Variants in LCN15 observed in about 807,000 individuals in gnomAD.
LCN15 encodes lipocalin-15.
A neutral mutation model predicts 23.1 loss-of-function variants in LCN15; 26 were observed. That is an observed-to-expected ratio of 1.13 (90% confidence interval 0.82 to 1.56). The LOEUF (loss-of-function observed/expected upper bound fraction) is 1.56. Ranked by LOEUF, LCN15 falls within the 40% of genes most tolerant of loss-of-function variation. LCN15 has a pLI of 0.00. For missense variants in LCN15, 241 were observed against 239.5 expected (o/e 1.01, Z -0.04); for synonymous variants, 107 against 98.3 (o/e 1.09, Z -0.52).
intron 1 of LCN15, 122 bp downstream of exon 1, chr9:136,764,271 T>C (rs1030323464): frequency 7.1e-6 from 7 of 983,438 alleles, no homozygotes; most frequent in Non-Finnish European, 1.1e-5. Flanking sequence ...AGTGGGTCTA[T>C]AGCACGTGCC....
Position 136,761,338 on chromosome 9 carries a change from G to A in LCN15, c.*32+449C>T, listed in dbSNP as rs1371135108. ...TGTAATGGTGCAATCTCGGCTCACC[G>A]CAACCTCCGCCTCCTGGGTTCAGGC... On this transcript the variant is annotated intron_variant, in intron 6 of 6. Coordinates refer to ENST00000316144, the MANE Select transcript of LCN15 (RefSeq NM_203347.2). This position sits in a 1 kb window ranked among gnomAD's most constrained non-coding sequence, Gnocchi z 4.2. 4.6e-5 allele frequency among the ~76,000 whole-genome samples: 7 copies of A among 152,180 alleles called. No homozygotes were observed. The highest frequency in any genetic ancestry group is 7.2e-5 in the African/African-American group (3 of 41,434).
Position 136,763,976 on chromosome 9 carries a change from A to T in LCN15, c.130T>A (p.Ser44Thr). 6.2e-7 allele frequency: 1 copy of T among 1,613,382 alleles called. No homozygotes were observed. Among genetic ancestry groups the T allele is most frequent in the Non-Finnish European group, 8.5e-7 (1 of 1,179,966 alleles). The change falls in exon 2 of 7, where the codon TCT (serine) becomes ACT (threonine). Residue 44 changes from serine (S) to threonine (T), a missense_variant. By Grantham distance (58) the Ser-to-Thr change is moderately conservative. Transcript: ENST00000316144. Reference sequence around the variant, plus strand: ...TTGCCCAGGAAGACCCTGCAGTCAGATGCCATGGAGACCACGTACCAGAGG... The same window carrying T: ...TTGCCCAGGAAGACCCTGCAGTCAGTTGCCATGGAGACCACGTACCAGAGG... ...SGLWYVVSMASDCRVFLGKKD... is the reference protein window; with the variant it reads ...SGLWYVVSMATDCRVFLGKKD...
Position 136,763,777 on chromosome 9 carries a change from G to A in LCN15, c.243C>T (p.Asp81=), listed in dbSNP as rs778514101. 102 of 1,613,288 alleles carry A rather than the reference G, an allele frequency of 6.3e-5. No homozygotes were observed. In the South Asian group the frequency reaches 7.8e-4, roughly 12 times the overall value. The change falls in exon 3 of 7, where the codon GAC becomes GAT. Residue 81 remains aspartate, a synonymous_variant. Transcript: ENST00000316144. ...ACTCGGCATCCACCTGGTTACAGCC[G>A]TCCGCCCTGGGGGTGCACAGCCGGC... is the stretch of plus-strand genomic sequence containing the variant. ...LHVHMEFPGA[D]GCNQVDAEYL...
Position 136,763,487 on chromosome 9 carries a change from CT to C in LCN15, c.308-21del. 3.2e-6 allele frequency: 5 copies of C among 1,548,858 alleles called. No individual in the cohort carries two copies. The highest frequency in any genetic ancestry group is 3.5e-6 in the Non-Finnish European group (4 of 1,137,272). ...CCAAGGCTGCGGAGAGGCAGGCGGC[CT>C]TTTCAGGCTGGAGAAGTGGATGGGC... On this transcript the variant is annotated intron_variant, in intron 3 of 6. Transcript: ENST00000316144.
intron 6 of LCN15, among the ~76,000 whole-genome samples, chr9:136,760,411 G>A (rs1470444484): frequency 1.3e-5 from 2 of 152,184 alleles, no homozygotes; most frequent in African/African-American, 4.8e-5. Flanking sequence ...GGGAGTGGAG[G>A]CGAAGCTCAT....
rs189958747 is a variant in LCN15, at chr9:136,761,302, C to A, written c.*32+485G>T. Among the ~76,000 whole-genome samples the A allele has an allele frequency of 6.6e-6, 1 of 152,202 alleles. No individual in the cohort carries two copies. Among genetic ancestry groups the A allele is most frequent in the African/African-American group, 2.4e-5 (1 of 41,446 alleles). ...TGAGATGGAGTTTCTCTCTTGTCAC[C>A]CAGGCTGGACTGTAATGGTGCAATC... On this transcript the variant is annotated intron_variant, in intron 6 of 6. Transcript: ENST00000316144. This position sits in a 1 kb window ranked among gnomAD's most constrained non-coding sequence, Gnocchi z 4.2.
rs1847318058 is a variant in LCN15 at position 136,761,598 on chromosome 9, T to A, written c.*32+189A>T. 6.6e-6 allele frequency among the ~76,000 whole-genome samples: 1 copy of A among 152,202 alleles called. No homozygotes were observed. The highest frequency in any genetic ancestry group is 2.4e-5 in the African/African-American group (1 of 41,452). On this transcript the variant is annotated intron_variant, in intron 6 of 6. Coordinates refer to ENST00000316144, the MANE Select transcript of LCN15 (RefSeq NM_203347.2). The surrounding 1 kb of genome is among the most constrained non-coding windows in gnomAD (Gnocchi z 4.2). ...TTTTAAGTCGCCCCATTTGTGGTAC[T>A]CTGTGATGGGTACCTTAGGAAATCA...
Position 136,759,838 on chromosome 9 carries a change from C to T in LCN15, c.*33-55G>A, listed in dbSNP as rs550006254. The stretch of plus-strand genomic sequence containing the variant: ...ACCCACTCCCGCGACAAACGCCCTT[C>T]CTGCTCCCCACAAGCTGGGCATCAC... On this transcript the variant is annotated intron_variant, in intron 6 of 6. Coordinates refer to ENST00000316144, the MANE Select transcript of LCN15 (RefSeq NM_203347.2). The T allele has an allele frequency of 6.6e-5, 10 of 152,544 alleles. No homozygotes were observed. In the East Asian group the frequency reaches 1.5e-3, roughly 24 times the overall value. The allele number at this position is 152,544 out of a possible 1,614,324, so 9.4% of individuals were successfully genotyped here.
chr9:136,763,613 A>C, intron 3 of LCN15, 100 bp downstream of exon 3: 1 of 1,391,106 alleles, frequency 7.2e-7, no homozygotes, highest in Non-Finnish European at 9.9e-7. Context: ...GGGGCTGGAG[A>C]CTGGGATGGA....
rs143124770 is a variant in LCN15 at position 136,764,471 on chromosome 9, G to C, written c.18C>G (p.Leu6=). The C allele has an allele frequency of 3.1e-6, 5 of 1,612,770 alleles. No homozygotes were observed. The South Asian group carries it at 4.4e-5, about 14-fold the overall frequency. Residue 6 remains leucine, a synonymous_variant, in exon 1 of 7, where the codon CTC becomes CTG. Transcript: ENST00000316144. ...CCCAGAGCAGGGTCAGGATTGCGCC[G>C]AGCAGGAATGACATCATCCCCTCCC... MMSFL[L]GAILTLLWAP...
rs1283004568 is a variant in LCN15, at chr9:136,761,315, T to C, written c.*32+472A>G. Among the ~76,000 whole-genome samples, 1 of 152,194 alleles carries C rather than the reference T, an allele frequency of 6.6e-6. No individual in the cohort carries two copies. The highest frequency in any genetic ancestry group is 1.5e-5 in the Non-Finnish European group (1 of 68,022). On this transcript the variant is annotated intron_variant, in intron 6 of 6. Transcript: ENST00000316144. This position sits in a 1 kb window ranked among gnomAD's most constrained non-coding sequence, Gnocchi z 4.2. ...CTCTCTTGTCACCCAGGCTGGACTG[T>C]AATGGTGCAATCTCGGCTCACCGCA...
chr9:136,762,011 C>T (rs958604767), intron 5 of LCN15, among the ~76,000 whole-genome samples, 158 bp from the exon 6 acceptor site: 4 of 152,142 alleles, frequency 2.6e-5, no homozygotes, highest in Admixed American at 2.6e-4. Flanking sequence ...AAGCCTCTCC[C>T]GTAGTCTGTT....
chr9:136,763,495 G>A, intron 3 of LCN15, 28 bp from the exon 4 acceptor site: 1 of 1,519,144 alleles, frequency 6.6e-7, no homozygotes, highest in East Asian at 2.3e-5. Context: ...GCCTTTTCAG[G>A]CTGGAGAAGT....
Position 136,763,876 on chromosome 9 carries a change from A to G in LCN15, c.230T>C (p.Phe77Ser). Residue 77 changes from phenylalanine (F) to serine (S), a missense_variant, in exon 2 of 7, where the codon TTC becomes TCC. Phe to Ser is a radical substitution (Grantham distance 155). Coordinates refer to ENST00000316144, the MANE Select transcript of LCN15 (RefSeq NM_203347.2). ...CCCAGCCCAAGTAACTCACCCCGGG[A>G]ACTCCATGTGGACGTGGAGGCCGCC... ...EEGGLHVHME[F>S]PGADGCNQVD... is the part of the protein sequence containing the mutation. 6.2e-7 allele frequency: 1 copy of G among 1,613,566 alleles called. No homozygotes were observed. Among genetic ancestry groups the G allele is most frequent in the Non-Finnish European group, 8.5e-7 (1 of 1,179,914 alleles).
rs750698829 is a variant in LCN15, at chr9:136,762,219, G to A, written c.489C>T (p.Pro163=). 1.3e-5 allele frequency: 20 copies of A among 1,598,822 alleles called. No homozygotes were observed. The highest frequency in any genetic ancestry group is 1.1e-4 in the South Asian group (10 of 89,134). ...GGGGCAGCATGACCATCATGTCCTT[G>A]GGGAGCCCCAGGGTCGGGTAGAAGT... ...FQDFYPTLGL[P]KDMMVMLPQS... is the part of the protein sequence containing the mutation. The change falls in exon 5 of 7, where the codon CCC becomes CCT. Residue 163 remains proline (P), a synonymous_variant. Coordinates refer to ENST00000316144, the MANE Select transcript of LCN15 (RefSeq NM_203347.2).
rs1365491765 is a variant in LCN15, at chr9:136,761,975, C to T, written c.521-122G>A. On this transcript the variant is annotated intron_variant, in intron 5 of 6. Transcript: ENST00000316144. This position sits in a 1 kb window ranked among gnomAD's most constrained non-coding sequence, Gnocchi z 4.2. ...TCCACCATCCCCAGAGAGTGGAGCC[C>T]AGAGCTTCCCTCCCAGCGCTGCCCA... The T allele has an allele frequency of 1.2e-6, 1 of 863,218 alleles. No individual in the cohort carries two copies. Among genetic ancestry groups the T allele is most frequent in the Non-Finnish European group, 1.7e-6 (1 of 602,014 alleles). The allele number at this position is 863,218 out of a possible 1,614,324, so 53.5% of individuals were successfully genotyped here.
Position 136,763,913 on chromosome 9 carries a change from G to A in LCN15, c.193C>T (p.Pro65Ser), listed in dbSNP as rs752388319. 1 of 1,613,710 alleles carries A rather than the reference G, an allele frequency of 6.2e-7. No individual in the cohort carries two copies. Among genetic ancestry groups the A allele is most frequent in the Non-Finnish European group, 8.5e-7 (1 of 1,179,994 alleles). Reference protein sequence around the residue: ...HLSMSTRAIRPTEEGGLHVHM... With the variant: ...HLSMSTRAIRSTEEGGLHVHM... ...ACGTGGAGGCCGCCCTCCTCTGTGG[G>A]CCTGATGGCCCTGGTGGACATGGAC... The change falls in exon 2 of 7, where the codon CCC (proline) becomes TCC (serine). Residue 65 changes from proline to serine, a missense_variant. By Grantham distance (74) the Pro-to-Ser change is moderately conservative. Coordinates refer to ENST00000316144, the MANE Select transcript of LCN15 (RefSeq NM_203347.2).
At chr9:136,763,842 C>G (rs757245686) in intron 2 of LCN15, 28 bp downstream of exon 2, 22 of 1,613,092 alleles carry the variant, frequency 1.4e-5, no homozygotes, top group Non-Finnish European at 1.9e-5. Context: ...CCCAGCCCAG[C>G]CCAGGCAGCC....
chr9:136,761,990 A>G lies in LCN15; in HGVS notation c.521-137T>C, dbSNP rs1564335529. On this transcript the variant is annotated intron_variant, in intron 5 of 6. Transcript: ENST00000316144. This position sits in a 1 kb window ranked among gnomAD's most constrained non-coding sequence, Gnocchi z 4.2. ...GAGTGGAGCCCAGAGCTTCCCTCCC[A>G]GCGCTGCCCAAAGCCTCTCCCGTAG... The G allele has an allele frequency of 1.2e-6, 1 of 815,748 alleles. No homozygotes were observed. Among genetic ancestry groups the G allele is most frequent in the Non-Finnish European group, 1.8e-6 (1 of 556,164 alleles). 50.5% of individuals were successfully genotyped at this position (815,748 alleles called of 1,614,324 possible). A position where few individuals can be genotyped will look rare whatever the true frequency, so the allele number is the denominator to read the frequency against.
Sources: allele counts gnomAD v4.1 joint callset (sites outside exome capture counted in the v4.1 genomes callset), GRCh38; gene constraint gnomAD v4.1.1; non-coding constraint Gnocchi (gnomAD v3.1); transcripts MANE v1.5; gene names NCBI Gene and HGNC (gene_info 2026-07-23, HGNC 2026-07-21).